The following PPARD variants were observed in gnomAD, a reference collection of about 807,000 sequenced individuals.
PPARD encodes the protein peroxisome proliferator-activated receptor delta.
A neutral mutation model predicts 39.5 loss-of-function variants in PPARD; 6 were observed. That is an observed-to-expected ratio of 0.15 (90% CI 0.08 to 0.30). PPARD has a LOEUF of 0.30. PPARD is among the 10% of genes least tolerant of loss of function. PPARD has a pLI of 1.00. For missense variants in PPARD, 397 were observed against 596.8 expected (o/e 0.67, Z 3.49); for synonymous variants, 210 against 231.3 (o/e 0.91, Z 0.83).
At chr6:35,364,964 C>T (rs1461150651) in intron 2 of PPARD, among the ~76,000 whole-genome samples, 5 of 151,844 alleles carry the variant, frequency 3.3e-5, no homozygotes, top group Non-Finnish European at 7.4e-5. Flanking sequence ...CCGCCTCGGC[C>T]TCCCAAAGTG....
At position 35,360,786 on chromosome 6, in the gene PPARD, A is replaced by G. The variant is rs139179998; in HGVS notation, c.-102+13636A>G. Among the ~76,000 whole-genome samples, 751 of 152,186 alleles carry G rather than the reference A, an allele frequency of 4.9e-3. 2 individuals carry two copies. Among genetic ancestry groups the G allele is most frequent in the Middle Eastern group, 0.014 (4 of 294 alleles). On this transcript the variant is annotated intron_variant, in intron 2 of 7. Coordinates refer to ENST00000360694, the MANE Select transcript of PPARD (RefSeq NM_006238.5). ...CTTTTCTTGCACCTTGCCATCCCCG[A>G]TTTATTTTTAGAGAGCCTTTTCTAT... is the stretch of plus-strand genomic sequence containing the variant.
intron 2 of PPARD, chr6:35,348,703 G>T: frequency 1.0e-6 from 1 of 985,350 alleles, no homozygotes; most frequent in Non-Finnish European, 1.2e-6. Context: ...TGGGGGTCAG[G>T]TTGTTTGTAG....
At chr6:35,344,765 C>T (rs527415263) in intron 1 of PPARD, among the ~76,000 whole-genome samples, 1 of 152,116 alleles carries the variant, frequency 6.6e-6, no homozygotes, top group Non-Finnish European at 1.5e-5. Context: ...CCAGCTTGAC[C>T]AGACTTTAAA....
At chr6:35,357,047 C>T (rs1761658682) in intron 2 of PPARD, among the ~76,000 whole-genome samples, 1 of 152,224 alleles carries the variant, frequency 6.6e-6, no homozygotes, top group African/African-American at 2.4e-5. Flanking sequence ...TTATGTTTCT[C>T]AGGGTGTGCT....
Position 35,367,381 on chromosome 6 carries a change from G to A in PPARD, c.-102+20231G>A, listed in dbSNP as rs749471154. Reference sequence around the variant, plus strand: ...GTGGTGGTTTGAACATTGGGTTTGCGCAGATAGTGATGGTAACTGGCACTG... The same window carrying A: ...GTGGTGGTTTGAACATTGGGTTTGCACAGATAGTGATGGTAACTGGCACTG... On this transcript the variant is annotated intron_variant, in intron 2 of 7. Transcript: ENST00000360694. Among the ~76,000 whole-genome samples the A allele has an allele frequency of 5.3e-5, 8 of 152,154 alleles. No homozygotes were observed. The South Asian group carries it at 6.2e-4, about 12-fold the overall frequency.
At chr6:35,397,545 T>C in intron 2 of PPARD, 1 of 985,374 alleles carries the variant, frequency 1.0e-6, no homozygotes, top group Non-Finnish European at 1.2e-6. Flanking sequence ...CAGATACCCC[T>C]GGAAAACTGA....
chr6:35,396,034 T>C (rs1409369823), intron 2 of PPARD, among the ~76,000 whole-genome samples: 1 of 152,086 alleles, frequency 6.6e-6, no homozygotes, highest in Non-Finnish European at 1.5e-5. Flanking sequence ...TCTGCATGCA[T>C]TTGGTATGAC....
chr6:35,379,100 T>C (rs911570890), intron 2 of PPARD, among the ~76,000 whole-genome samples: 27 of 150,866 alleles, frequency 1.8e-4, no homozygotes, highest in South Asian at 6.3e-4. Flanking sequence ...TTCTTTCTTT[T>C]TTTTTTTTTT....
At chr6:35,365,046 C>G (rs1339418175) in intron 2 of PPARD, among the ~76,000 whole-genome samples, 1 of 151,606 alleles carries the variant, frequency 6.6e-6, no homozygotes, top group Non-Finnish European at 1.5e-5. Flanking sequence ...TGATACCTGT[C>G]TGCTATACTC....
At position 35,424,661 on chromosome 6, in the gene PPARD, C is replaced by T. The variant is rs760315803; in HGVS notation, c.960C>T (p.Leu320=). 8.7e-6 allele frequency: 14 copies of T among 1,614,256 alleles called. No homozygotes were observed. The highest frequency in any genetic ancestry group is 1.2e-5 in the Non-Finnish European group (14 of 1,180,060). Reference sequence around the variant, plus strand: ...TCACCCGTGAGTTCCTGCGCAGCCTCCGCAAACCCTTCAGTGATATCATTG... The same window carrying T: ...TCACCCGTGAGTTCCTGCGCAGCCTTCGCAAACCCTTCAGTGATATCATTG... The part of the protein sequence containing the change: ...GFVTREFLRS[L]RKPFSDIIEP... The change falls in exon 7 of 8, where the codon CTC becomes CTT. Residue 320 remains leucine (L), a synonymous_variant. Transcript: ENST00000360694. The surrounding 1 kb of genome is among the most constrained non-coding windows in gnomAD (Gnocchi z 7.1).
At chr6:35,372,367 C>T (rs1272054606) in intron 2 of PPARD, among the ~76,000 whole-genome samples, 4 of 152,058 alleles carry the variant, frequency 2.6e-5, no homozygotes, top group East Asian at 1.9e-4. Context: ...TTAGTAGAGA[C>T]GGGGTTTCAC....
In PPARD at chr6:35,426,909, C is replaced by G. The variant is rs1766612821; in HGVS notation, c.*830C>G. On this transcript the variant is annotated 3_prime_UTR_variant, in exon 8 of 8. Transcript: ENST00000360694. Reference sequence around the variant, plus strand: ...TGCACTGGCCGCTGGACGGCACTCTCCCAGCTTGGAAGTAGGCAGGGTTCC... The same window carrying G: ...TGCACTGGCCGCTGGACGGCACTCTGCCAGCTTGGAAGTAGGCAGGGTTCC... 6.6e-6 allele frequency: 1 copy of G among 152,334 alleles called. No homozygotes were observed. The highest frequency in any genetic ancestry group is 2.4e-5 in the African/African-American group (1 of 41,454). 9.4% of individuals were successfully genotyped at this position (152,334 alleles called of 1,614,324 possible). A position where few individuals can be genotyped will look rare whatever the true frequency, so the allele number is the denominator to read the frequency against.
chr6:35,358,580 C>A (rs1761751652), intron 2 of PPARD, among the ~76,000 whole-genome samples: 1 of 152,166 alleles, frequency 6.6e-6, no homozygotes, highest in Non-Finnish European at 1.5e-5. Context: ...ATAGGCCCAG[C>A]ATTTTCCTGA....
At chr6:35,392,036 C>G (rs1214817724) in intron 2 of PPARD, among the ~76,000 whole-genome samples, 1 of 151,976 alleles carries the variant, frequency 6.6e-6, no homozygotes, top group Non-Finnish European at 1.5e-5. Flanking sequence ...TAGGCCCTGA[C>G]AGGTGAGAGG....
intron 2 of PPARD, among the ~76,000 whole-genome samples, chr6:35,371,175 G>C (rs1582322524): frequency 6.6e-6 from 1 of 152,150 alleles, no homozygotes; most frequent in Non-Finnish European, 1.5e-5. Context: ...TCTATGCCTA[G>C]TACCTTGTTA....
At chr6:35,375,624 A>G (rs1581571862) in intron 2 of PPARD, among the ~76,000 whole-genome samples, 1 of 152,098 alleles carries the variant, frequency 6.6e-6, no homozygotes, top group East Asian at 1.9e-4. Flanking sequence ...ATCACAGCTC[A>G]CTGTAGCTTT....
intron 2 of PPARD, among the ~76,000 whole-genome samples, chr6:35,387,319 C>T (rs1445808932): frequency 1.3e-5 from 2 of 152,322 alleles, no homozygotes; most frequent in African/African-American, 4.8e-5. Flanking sequence ...GCAAGCTGCC[C>T]ATGGTTTACC....
Position 35,377,904 on chromosome 6 carries a change from G to A in PPARD, c.-102+30754G>A, listed in dbSNP as rs547816024. On this transcript the variant is annotated intron_variant, in intron 2 of 7. Transcript: ENST00000360694. The stretch of plus-strand genomic sequence containing the variant: ...TTTTGAGACAGAGTGTTGCTCTGTC[G>A]CCAGGCTGGAGTGCAGTGGTGCGAT... Among the ~76,000 whole-genome samples the A allele has an allele frequency of 3.3e-5, 4 of 119,928 alleles. No individual in the cohort carries two copies. The East Asian group carries it at 9.3e-4, about 28-fold the overall frequency. 78.7% of individuals were successfully genotyped at this position (119,928 alleles called of 152,430 possible).
In PPARD at chr6:35,347,113, T is replaced by G; in HGVS notation, c.-139T>G. 1 of 1,536,144 alleles carries G rather than the reference T, an allele frequency of 6.5e-7. No homozygotes were observed. The highest frequency in any genetic ancestry group is 1.2e-5 in the South Asian group (1 of 84,070). ...TGCACGTGATACTCACACAGTGGCTTCTGCTCACCAACAGATGAAGACAGA... is the reference window on the plus strand; with the variant it reads ...TGCACGTGATACTCACACAGTGGCTGCTGCTCACCAACAGATGAAGACAGA... On this transcript the variant is annotated 5_prime_UTR_variant, in exon 2 of 8. Transcript: ENST00000360694.
Sources: gnomAD v4.1 joint callset for allele counts (sites outside exome capture counted in the v4.1 genomes callset) on GRCh38, gnomAD v4.1.1 for gene constraint, Gnocchi (gnomAD v3.1) non-coding constraint, MANE v1.5 for transcripts, NCBI Gene and HGNC (gene_info 2026-07-23, HGNC 2026-07-21) for gene names.